The following ARFGEF2 variants were observed in gnomAD, a reference collection of about 807,000 sequenced individuals.
ARFGEF2 encodes the protein brefeldin A-inhibited guanine nucleotide-exchange protein 2.
A neutral mutation model predicts 219.9 loss-of-function variants in ARFGEF2; 74 were observed. That is an observed-to-expected ratio of 0.34 (90% CI 0.28 to 0.41). The LOEUF (loss-of-function observed/expected upper bound fraction) is 0.41. Among genes scored for constraint, ARFGEF2 ranks in the 10% least tolerant of loss-of-function variants. The probability of loss-of-function intolerance (pLI) is 1.00; values close to 1 mark genes in which losing one functional copy is unlikely to be tolerated. For missense variants in ARFGEF2, 1,743 were observed against 2,218.3 expected (o/e 0.79, Z 4.30); for synonymous variants, 733 against 799.2 (o/e 0.92, Z 1.40).
Position 48,969,250 on chromosome 20 carries a change from C to A in ARFGEF2, c.1163C>A (p.Pro388His). 1 of 1,614,224 alleles carries A rather than the reference C, an allele frequency of 6.2e-7. No individual in the cohort carries two copies. The highest frequency in any genetic ancestry group is 8.5e-7 in the Non-Finnish European group (1 of 1,180,036). The change falls in exon 9 of 39, where the codon CCC becomes CAC. Residue 388 changes from proline to histidine, a missense_variant. This residue lies in a region of ARFGEF2 where 666 missense variants were observed against 955.4 expected (regional missense o/e 0.70). Transcript: ENST00000371917. ...FRSLCKLSMKPLGEGPPDPKS... is the reference protein window; with the variant it reads ...FRSLCKLSMKHLGEGPPDPKS... ...TCCCTGTGCAAGCTGTCCATGAAAC[C>A]CCTTGGTGAAGGCCCTCCAGACCCA...
rs914007693 is a variant in ARFGEF2 at position 49,008,191 on chromosome 20, AAACT to A, written c.3585-2039_3585-2036del. Among the ~76,000 whole-genome samples, 98 of 152,356 alleles carry A rather than the reference AAACT, an allele frequency of 6.4e-4. 1 individual carries two copies. Among genetic ancestry groups the A allele is most frequent in the African/African-American group, 2.3e-3 (94 of 41,576 alleles). On this transcript the variant is annotated intron_variant, in intron 26 of 38. Transcript: ENST00000371917. ...AGAAAATAGTTTTCTAGAAAAAAAC[AAACT>A]ATCTAAATAAACAAGTGTTAAAGTA...
chr20:49,017,190 C>G, intron 31 of ARFGEF2, 59 bp from the exon 32 acceptor site: 1 of 1,574,468 alleles, frequency 6.4e-7, no homozygotes, highest in Non-Finnish European at 8.7e-7. Context: ...GTATTTGAGA[C>G]CTGGTTGGCA....
intron 13 of ARFGEF2, 125 bp from the exon 14 acceptor site, chr20:48,975,891 A>G (rs765888876): frequency 3.6e-6 from 3 of 842,812 alleles, no homozygotes; most frequent in Non-Finnish European, 6.0e-6. Context: ...CATGCTTATA[A>G]TCCTTATAGT....
At chr20:48,955,552 A>G (rs2091100666) in intron 6 of ARFGEF2, among the ~76,000 whole-genome samples, 1 of 152,222 alleles carries the variant, frequency 6.6e-6, no homozygotes, top group Non-Finnish European at 1.5e-5. Flanking sequence ...TGAATGGGGA[A>G]AAAACGTTAT....
intron 26 of ARFGEF2, 124 bp downstream of exon 26, chr20:49,005,345 T>C (rs1428296193): frequency 2.0e-5 from 23 of 1,164,096 alleles, no homozygotes; most frequent in Non-Finnish European, 2.8e-5. Flanking sequence ...ATAGAATGAA[T>C]AGACTGTGAT....
At chr20:48,976,982 T>C (rs1004394466) in intron 14 of ARFGEF2, among the ~76,000 whole-genome samples, 6 of 151,054 alleles carry the variant, frequency 4.0e-5, no homozygotes, top group Non-Finnish European at 5.9e-5. Flanking sequence ...TTTTATTTTA[T>C]GTTGTTTTCT....
At chr20:49,030,153 C>A (rs887798445) in intron 37 of ARFGEF2, among the ~76,000 whole-genome samples, 1 of 151,906 alleles carries the variant, frequency 6.6e-6, no homozygotes, top group Non-Finnish European at 1.5e-5. Context: ...CGTGATCCCC[C>A]CACCTCGGCC....
intron 21 of ARFGEF2, among the ~76,000 whole-genome samples, chr20:48,992,945 G>A (rs537839123): frequency 1.4e-4 from 22 of 152,274 alleles, no homozygotes; most frequent in Non-Finnish European, 2.8e-4. Context: ...AGCTACTCAG[G>A]AGGCTGAGGC....
intron 6 of ARFGEF2, among the ~76,000 whole-genome samples, chr20:48,957,258 C>T (rs190488166): frequency 1.3e-5 from 2 of 152,330 alleles, no homozygotes; most frequent in East Asian, 1.9e-4. Context: ...TTGGCTATAA[C>T]TTCATCACAT....
At chr20:48,986,511 G>A (rs922605095) in intron 16 of ARFGEF2, among the ~76,000 whole-genome samples, 1 of 151,930 alleles carries the variant, frequency 6.6e-6, no homozygotes, top group African/African-American at 2.4e-5. Context: ...GCTGCTCAGA[G>A]GCTGAGGCAG....
At chr20:48,959,570 C>CTTT (rs2091131902) in intron 6 of ARFGEF2, among the ~76,000 whole-genome samples, 1 of 93,932 alleles carries the variant, frequency 1.1e-5, no homozygotes, top group Non-Finnish European at 2.2e-5. Flanking sequence ...TCCCTCCCTC[C>CTTT]CTCCTTCCTT....
chr20:48,937,818 G>A (rs1364919318), intron 1 of ARFGEF2, among the ~76,000 whole-genome samples: 1 of 152,064 alleles, frequency 6.6e-6, no homozygotes, highest in Non-Finnish European at 1.5e-5. Flanking sequence ...TCCAAAACCA[G>A]GTTTTACCTT....
intron 35 of ARFGEF2, among the ~76,000 whole-genome samples, chr20:49,023,543 T>G (rs924144828): frequency 1.3e-4 from 18 of 140,660 alleles, no homozygotes; most frequent in Non-Finnish European, 2.0e-4. Context: ...TTTTGTTTTT[T>G]TTTTTGTTTT....
chr20:49,028,616 G>A lies in ARFGEF2; in HGVS notation c.5011G>A (p.Val1671Ile), dbSNP rs2091616690. ...CCLRILFRMY[V>I]DENRRDSWEE... Reference sequence around the variant, plus strand: ...TTTGAGGATCCTGTTTCGAATGTATGTTGATGAGAACCGCAGGGATTCCTG... The same window carrying A: ...TTTGAGGATCCTGTTTCGAATGTATATTGATGAGAACCGCAGGGATTCCTG... Residue 1671 changes from valine (V) to isoleucine (I), a missense_variant, in exon 37 of 39, where the codon GTT (valine) becomes ATT (isoleucine). Coordinates refer to ENST00000371917, the MANE Select transcript of ARFGEF2 (RefSeq NM_006420.3). 1 of 1,614,064 alleles carries A rather than the reference G, an allele frequency of 6.2e-7. No individual in the cohort carries two copies. Among genetic ancestry groups the A allele is most frequent in the Admixed American group, 1.7e-5 (1 of 59,998 alleles).
rs150497571 is a variant in ARFGEF2, at chr20:48,970,197, C to G, written c.1190+920C>G. Among the ~76,000 whole-genome samples, 496 of 152,222 alleles carry G rather than the reference C, an allele frequency of 3.3e-3. 5 individuals carry two copies. The highest frequency in any genetic ancestry group is 0.014 in the Middle Eastern group (4 of 294). ...GGGTATGCTAGTACATGCCTGTAATCCCAGCCACTCGGGAAGCTGAGGCAA... is the reference window on the plus strand; with the variant it reads ...GGGTATGCTAGTACATGCCTGTAATGCCAGCCACTCGGGAAGCTGAGGCAA... On this transcript the variant is annotated intron_variant, in intron 9 of 38. Coordinates refer to ENST00000371917, the MANE Select transcript of ARFGEF2 (RefSeq NM_006420.3).
intron 10 of ARFGEF2, 27 bp downstream of exon 10, chr20:48,971,381 C>T: frequency 6.7e-7 from 1 of 1,496,872 alleles, no homozygotes; most frequent in Non-Finnish European, 9.3e-7. Flanking sequence ...TTTTTCATTT[C>T]ATTATTTACT....
In ARFGEF2 at chr20:49,032,159, A is replaced by G; in HGVS notation, c.5174A>G (p.Asp1725Gly). ...CTAACTAAAACCCTCAAAATAAATGATGAAAAGGTATGAACAAGTAAACTC... is the reference window on the plus strand; with the variant it reads ...CTAACTAAAACCCTCAAAATAAATGGTGAAAAGGTATGAACAAGTAAACTC... ...LLLTKTLKIN[D>G]EKFKAHASMY... is the part of the protein sequence containing the mutation. Residue 1725 changes from aspartate (D) to glycine (G), a missense_variant, in exon 38 of 39, where the codon GAT becomes GGT. Around this residue, in one of 5 missense-constraint regions of ARFGEF2, gnomAD observed 578 missense variants for 664.0 expected, o/e 0.87. Transcript: ENST00000371917. 6.2e-7 allele frequency: 1 copy of G among 1,609,934 alleles called. No individual in the cohort carries two copies. The highest frequency in any genetic ancestry group is 8.5e-7 in the Non-Finnish European group (1 of 1,176,328).
chr20:48,989,078 A>G (rs1324981198), intron 18 of ARFGEF2, among the ~76,000 whole-genome samples: 1 of 152,132 alleles, frequency 6.6e-6, no homozygotes, highest in Non-Finnish European at 1.5e-5. Context: ...TCCTCTACTT[A>G]GTAATTGTAT....
chr20:48,983,126 G>C (rs546495501), intron 14 of ARFGEF2, among the ~76,000 whole-genome samples: 8 of 152,252 alleles, frequency 5.3e-5, no homozygotes, highest in African/African-American at 1.4e-4. Context: ...TGGCCATCTT[G>C]GGACGGAATC....
Sources: gnomAD v4.1 joint callset for allele counts (sites outside exome capture counted in the v4.1 genomes callset) on GRCh38, gnomAD v4.1.1 for gene constraint, gnomAD v4.1.1 regional missense constraint, MANE v1.5 for transcripts, NCBI Gene and HGNC (gene_info 2026-07-23, HGNC 2026-07-21) for gene names.